CNTNAP5: variants seen among roughly 807,000 people sequenced by gnomAD.
CNTNAP5 encodes the protein contactin associated protein family member 5.
In CNTNAP5, 72 loss-of-function variants were observed where a neutral mutation model predicts 150.2. That is an observed-to-expected ratio of 0.48 (90% CI 0.40 to 0.58). The LOEUF (loss-of-function observed/expected upper bound fraction) is 0.58. Ranked by LOEUF, CNTNAP5 falls within the 20% of genes least tolerant of loss-of-function variation. The pLI is 0.00. For synonymous variants in CNTNAP5, 672 were observed against 619.8 expected, an observed-to-expected ratio of 1.08 and a Z score of -1.25; for missense variants, 1,636 against 1,626.2, an observed-to-expected ratio of 1.01 and a Z score of -0.10.
intron 10 of CNTNAP5, among the ~76,000 whole-genome samples, chr2:124,551,393 G>A (rs1045235340): frequency 3.3e-5 from 5 of 152,206 alleles, no homozygotes; most frequent in Admixed American, 1.3e-4. Context: ...GGTAAAATGG[G>A]ATTATGATAA....
chr2:124,659,084 C>A (rs1225746800), intron 13 of CNTNAP5, among the ~76,000 whole-genome samples: 1 of 152,188 alleles, frequency 6.6e-6, no homozygotes, highest in Non-Finnish European at 1.5e-5. Context: ...GTTTCCTCAA[C>A]TCTAAGAATG....
intron 22 of CNTNAP5, among the ~76,000 whole-genome samples, chr2:124,907,171 A>G (rs567180284): frequency 6.6e-6 from 1 of 152,298 alleles, no homozygotes; most frequent in South Asian, 2.1e-4. Flanking sequence ...TAATCTGGTC[A>G]TGGCAATGCT....
chr2:124,440,807 T>G (rs1692655062), intron 5 of CNTNAP5, among the ~76,000 whole-genome samples: 1 of 152,150 alleles, frequency 6.6e-6, no homozygotes, highest in Admixed American at 6.6e-5. Context: ...TCTGTATAGT[T>G]TTATTGTTTT....
In CNTNAP5 at chr2:124,670,171, TCCTTCCTC is replaced by T. The variant is rs927307513; in HGVS notation, c.2077+22217_2077+22224del. 4.4e-4 allele frequency among the ~76,000 whole-genome samples: 60 copies of T among 135,084 alleles called. 1 individual carries two copies. The highest frequency in any genetic ancestry group is 1.4e-3 in the African/African-American group (46 of 33,574). 88.6% of individuals were successfully genotyped at this position (135,084 alleles called of 152,430 possible). A position where few individuals can be genotyped will look rare whatever the true frequency, so the allele number is the denominator to read the frequency against. ...TTCCTTCCTTCCTTCCTTCCTTCCT[TCCTTCCTC>T]CCTCTCTTTCTCTTTCTCTCTCTTT... On this transcript the variant is annotated intron_variant, in intron 13 of 23. Coordinates refer to ENST00000682447, the MANE Select transcript of CNTNAP5 (RefSeq NM_001367498.1).
At chr2:124,509,687 T>A (rs1487199713) in intron 8 of CNTNAP5, among the ~76,000 whole-genome samples, 3 of 152,242 alleles carry the variant, frequency 2.0e-5, no homozygotes, top group Non-Finnish European at 4.4e-5. Flanking sequence ...CTGCTCTCCA[T>A]ATTCATTGTG....
At chr2:124,523,772 TTA>T (rs965215508) in intron 8 of CNTNAP5, among the ~76,000 whole-genome samples, 2 of 152,158 alleles carry the variant, frequency 1.3e-5, no homozygotes, top group Non-Finnish European at 2.9e-5. Context: ...TGCAATTGGA[TTA>T]TATGTTACCT....
intron 1 of CNTNAP5, among the ~76,000 whole-genome samples, chr2:124,152,139 C>T (rs979153593): frequency 2.6e-5 from 4 of 152,090 alleles, no homozygotes; most frequent in Non-Finnish European, 4.4e-5. Context: ...TTGCTGACTG[C>T]GCTCTACCTC....
chr2:124,045,777 G>A (rs182709215), intron 1 of CNTNAP5, among the ~76,000 whole-genome samples: 7 of 152,208 alleles, frequency 4.6e-5, no homozygotes, highest in Non-Finnish European at 7.4e-5. Flanking sequence ...TGGGGAAGAA[G>A]GTAGAATGAA....
At chr2:124,333,500 A>G (rs1255629413) in intron 3 of CNTNAP5, among the ~76,000 whole-genome samples, 1 of 152,206 alleles carries the variant, frequency 6.6e-6, no homozygotes, top group Non-Finnish European at 1.5e-5. Flanking sequence ...CAGGTGGAAC[A>G]AAGAGGAAGA....
At position 124,337,855 on chromosome 2, in the gene CNTNAP5, G is replaced by A. The variant is rs571702934; in HGVS notation, c.382-79588G>A. 2.7e-3 allele frequency among the ~76,000 whole-genome samples: 410 copies of A among 151,924 alleles called. 1 individual carries two copies. Among genetic ancestry groups the A allele is most frequent in the African/African-American group, 8.0e-3 (330 of 41,442 alleles). On this transcript the variant is annotated intron_variant, in intron 3 of 23. Coordinates refer to ENST00000682447, the MANE Select transcript of CNTNAP5 (RefSeq NM_001367498.1). Reference sequence around the variant, plus strand: ...TGGCTTAGGATTGACTTGGTGATGCGGGCTCTTTTTTGGTTCCATATGAAC... The same window carrying A: ...TGGCTTAGGATTGACTTGGTGATGCAGGCTCTTTTTTGGTTCCATATGAAC...
chr2:124,057,193 G>A (rs1394926666), intron 1 of CNTNAP5, among the ~76,000 whole-genome samples: 1 of 151,658 alleles, frequency 6.6e-6, no homozygotes, highest in Non-Finnish European at 1.5e-5. Context: ...CACCCTCACT[G>A]TGTAACACCA....
intron 19 of CNTNAP5, among the ~76,000 whole-genome samples, chr2:124,850,873 A>C (rs1400852259): frequency 6.6e-6 from 1 of 152,188 alleles, no homozygotes; most frequent in East Asian, 1.9e-4. Flanking sequence ...ATGAAAGGAA[A>C]ATTCGATTTA....
At chr2:124,393,276 C>T (rs1691166692) in intron 3 of CNTNAP5, among the ~76,000 whole-genome samples, 1 of 152,168 alleles carries the variant, frequency 6.6e-6, no homozygotes, top group South Asian at 2.1e-4. Context: ...CATGACTTCT[C>T]TGACTCCTAA....
intron 19 of CNTNAP5, among the ~76,000 whole-genome samples, chr2:124,821,855 TC>T (rs1682498666): frequency 6.6e-6 from 1 of 152,310 alleles, no homozygotes; most frequent in East Asian, 1.9e-4. Context: ...TTTTACGCAG[TC>T]CTCCAGATGA....
chr2:124,265,681 AG>A (rs1687586729), intron 3 of CNTNAP5, among the ~76,000 whole-genome samples: 1 of 152,074 alleles, frequency 6.6e-6, no homozygotes, highest in African/African-American at 2.4e-5. Flanking sequence ...TCATGGGTAA[AG>A]GATTCTGACA....
intron 22 of CNTNAP5, 58 bp downstream of exon 22, chr2:124,903,158 T>C: frequency 9.0e-7 from 1 of 1,107,008 alleles, no homozygotes; most frequent in Non-Finnish European, 1.2e-6. Context: ...TTTTGTGTCT[T>C]CAAGAAGCTT....
chr2:124,200,978 A>G (rs1036270483), intron 1 of CNTNAP5, among the ~76,000 whole-genome samples: 6 of 152,218 alleles, frequency 3.9e-5, no homozygotes, highest in South Asian at 4.1e-4. Flanking sequence ...AGTGATGTCA[A>G]TATTTCTCTG....
chr2:124,605,313 CT>C (rs1697078269), intron 11 of CNTNAP5, among the ~76,000 whole-genome samples: 1 of 152,134 alleles, frequency 6.6e-6, no homozygotes, highest in Non-Finnish European at 1.5e-5. Flanking sequence ...AGCAAAAGAA[CT>C]GATGCACTGA....
intron 18 of CNTNAP5, among the ~76,000 whole-genome samples, chr2:124,793,181 T>G (rs1260162611): frequency 6.6e-6 from 1 of 152,216 alleles, no homozygotes; most frequent in East Asian, 1.9e-4. Flanking sequence ...TTTCTTCATC[T>G]TCTTGCCAAC....
Sources: gnomAD v4.1 joint callset for allele counts (sites outside exome capture counted in the v4.1 genomes callset) on GRCh38, gnomAD v4.1.1 for gene constraint, MANE v1.5 for transcripts, NCBI Gene and HGNC (gene_info 2026-07-23, HGNC 2026-07-21) for gene names.